The following FILIP1 variants were observed in gnomAD, a reference collection of about 807,000 sequenced individuals.
FILIP1 encodes filamin-A-interacting protein 1.
Under a neutral mutation model 102.1 loss-of-function variants are expected in FILIP1, and 61 were observed. That is an observed-to-expected ratio of 0.60 (90% CI 0.49 to 0.74). The LOEUF is 0.74. FILIP1 is among the 30% of genes least tolerant of loss of function. The probability of loss-of-function intolerance (pLI) is 0.00; values close to 1 mark genes in which losing one functional copy is unlikely to be tolerated. For synonymous variants in FILIP1, 491 were observed against 526.9 expected, an observed-to-expected ratio of 0.93 and a Z score of 0.93; for missense variants, 1,314 against 1,441.2, an observed-to-expected ratio of 0.91 and a Z score of 1.43.
At chr6:75,459,943 A>G (rs867179220) in intron 1 of FILIP1, among the ~76,000 whole-genome samples, 2 of 152,200 alleles carry the variant, frequency 1.3e-5, no homozygotes, top group African/African-American at 2.4e-5. Context: ...ATCAGACATT[A>G]TTTTGAGAAA....
At chr6:75,425,865 T>C (rs1000858392) in intron 1 of FILIP1, among the ~76,000 whole-genome samples, 9 of 152,202 alleles carry the variant, frequency 5.9e-5, no homozygotes, top group African/African-American at 1.9e-4. Context: ...GATTAACTAT[T>C]GGAGTCATCA....
chr6:75,349,641 C>T (rs1349425052), intron 4 of FILIP1, among the ~76,000 whole-genome samples: 1 of 152,190 alleles, frequency 6.6e-6, no homozygotes, highest in Non-Finnish European at 1.5e-5. Context: ...GTCTATAGGA[C>T]ACGAGGACTC....
intron 1 of FILIP1, among the ~76,000 whole-genome samples, chr6:75,434,664 T>C (rs528603114): frequency 1.3e-5 from 2 of 152,346 alleles, no homozygotes; most frequent in East Asian, 3.9e-4. Context: ...CTTTTCCTAA[T>C]TGAATACTCT....
chr6:75,363,439 A>C (rs575708015), intron 2 of FILIP1, among the ~76,000 whole-genome samples: 15 of 152,376 alleles, frequency 9.8e-5, no homozygotes, highest in African/African-American at 3.6e-4. Context: ...GCACAGAAAC[A>C]CATGGTTGAG....
intron 4 of FILIP1, among the ~76,000 whole-genome samples, chr6:75,352,191 A>C (rs1248842596): frequency 6.6e-6 from 1 of 152,228 alleles, no homozygotes; most frequent in Admixed American, 6.5e-5. Flanking sequence ...TCACATATAC[A>C]CTAATCTGGG....
chr6:75,477,046 G>T (rs2149772559), intron 1 of FILIP1, among the ~76,000 whole-genome samples: 1 of 152,204 alleles, frequency 6.6e-6, no homozygotes, highest in South Asian at 2.1e-4. Context: ...TTAATTATTG[G>T]TTAAAAAAAT....
At chr6:75,485,493 C>G (rs563182122) in intron 1 of FILIP1, among the ~76,000 whole-genome samples, 118 of 152,282 alleles carry the variant, frequency 7.7e-4, no homozygotes, top group African/African-American at 2.7e-3. Flanking sequence ...CATTCACCTT[C>G]CTGGGATATT....
In FILIP1 at chr6:75,419,184, T is replaced by C. The variant is rs186752212; in HGVS notation, c.-6-4206A>G. On this transcript the variant is annotated intron_variant, in intron 1 of 5. Coordinates refer to ENST00000237172, the MANE Select transcript of FILIP1 (RefSeq NM_015687.5). Reference sequence around the variant, plus strand: ...TCTACAGAAATTCTAGTTCCCAGACTTCCTTAGCTCTTGCAAATCTTGACC... The same window carrying C: ...TCTACAGAAATTCTAGTTCCCAGACCTCCTTAGCTCTTGCAAATCTTGACC... Among the ~76,000 whole-genome samples, 175 of 152,286 alleles carry C rather than the reference T, an allele frequency of 1.1e-3. 2 individuals carry two copies. Among genetic ancestry groups the C allele is most frequent in the South Asian group, 5.2e-3 (25 of 4,822 alleles).
At chr6:75,357,647 G>T (rs968092197) in intron 3 of FILIP1, among the ~76,000 whole-genome samples, 6 of 152,242 alleles carry the variant, frequency 3.9e-5, no homozygotes, top group Non-Finnish European at 7.3e-5. Flanking sequence ...GAATGTAGAG[G>T]CTGTAAATTC....
At chr6:75,448,422 C>A (rs1411464680) in intron 1 of FILIP1, among the ~76,000 whole-genome samples, 3 of 152,052 alleles carry the variant, frequency 2.0e-5, no homozygotes, top group African/African-American at 7.2e-5. Flanking sequence ...CAAATACATC[C>A]CTTTAAAGAT....
At chr6:75,420,702 C>G (rs1777431711) in intron 1 of FILIP1, among the ~76,000 whole-genome samples, 1 of 152,126 alleles carries the variant, frequency 6.6e-6, no homozygotes, top group South Asian at 2.1e-4. Flanking sequence ...TTCCCTTGTA[C>G]TCTTCAGGCC....
chr6:75,353,726 G>A lies in FILIP1; in HGVS notation c.451-9C>T, dbSNP rs1436288805. 9 of 1,611,564 alleles carry A rather than the reference G, an allele frequency of 5.6e-6. No homozygotes were observed. The highest frequency in any genetic ancestry group is 7.6e-6 in the Non-Finnish European group (9 of 1,179,792). On this transcript the variant is annotated splice_polypyrimidine_tract_variant and intron_variant, in intron 3 of 5. Transcript: ENST00000237172. ...TCCTCAAGTCTGTCCAGCTGAATAA[G>A]CAAACATGGGAAAGGGCTTAATATT...
At chr6:75,360,419 A>G (rs966442193) in intron 3 of FILIP1, among the ~76,000 whole-genome samples, 8 of 152,218 alleles carry the variant, frequency 5.3e-5, no homozygotes, top group Admixed American at 1.3e-4. Context: ...GGATATATTA[A>G]TACAACTTTG....
At chr6:75,373,235 A>G (rs1424630280) in intron 2 of FILIP1, among the ~76,000 whole-genome samples, 2 of 152,240 alleles carry the variant, frequency 1.3e-5, no homozygotes, top group East Asian at 3.8e-4. Flanking sequence ...TACTCAAATC[A>G]TAGAGACAGA....
intron 2 of FILIP1, among the ~76,000 whole-genome samples, chr6:75,380,207 C>A (rs78224428): frequency 1.7e-4 from 25 of 149,224 alleles, no homozygotes; most frequent in African/African-American, 1.7e-4. Flanking sequence ...AATTAAAAGG[C>A]AAAAAAAAAG....
intron 1 of FILIP1, among the ~76,000 whole-genome samples, chr6:75,417,988 G>A (rs1245187597): frequency 1.3e-5 from 2 of 152,076 alleles, no homozygotes; most frequent in African/African-American, 2.4e-5. Context: ...ACCTAAGGTC[G>A]GGAGATCAAG....
At chr6:75,490,277 C>T (rs1404969535) in intron 1 of FILIP1, among the ~76,000 whole-genome samples, 1 of 152,068 alleles carries the variant, frequency 6.6e-6, no homozygotes, top group East Asian at 1.9e-4. Context: ...TAAGTTTCAT[C>T]ACTTTGACCA....
chr6:75,383,634 C>T (rs958927237), intron 2 of FILIP1, among the ~76,000 whole-genome samples: 1 of 152,136 alleles, frequency 6.6e-6, no homozygotes, highest in African/African-American at 2.4e-5. Context: ...TGTAGATATA[C>T]AAATGTAGTA....
chr6:75,487,414 G>A (rs372305708), intron 1 of FILIP1, among the ~76,000 whole-genome samples: 1 of 152,084 alleles, frequency 6.6e-6, no homozygotes, highest in South Asian at 2.1e-4. Context: ...ACTCAGCAAT[G>A]CCTCTTCCTT....
Sources: gnomAD v4.1 joint callset for allele counts (sites outside exome capture counted in the v4.1 genomes callset) on GRCh38, gnomAD v4.1.1 for gene constraint, MANE v1.5 for transcripts, NCBI Gene and HGNC (gene_info 2026-07-23, HGNC 2026-07-21) for gene names.